The following IL1RAPL1 variants were observed in gnomAD, a reference collection of about 807,000 sequenced individuals.
The protein encoded by IL1RAPL1 is interleukin-1 receptor accessory protein-like 1.
A neutral mutation model predicts 48.4 loss-of-function variants in IL1RAPL1; 3 were observed. The ratio of observed to expected loss-of-function variants is 0.06; its 90% CI spans 0.03 to 0.16. The LOEUF is 0.16. IL1RAPL1 is among the 10% of genes least tolerant of loss of function. The pLI is 1.00. For synonymous variants in IL1RAPL1, 185 were observed against 187.7 expected, an observed-to-expected ratio of 0.99 and a Z score of 0.12; for missense variants, 349 against 530.6, an observed-to-expected ratio of 0.66 and a Z score of 3.36.
At chrX:29,478,379 C>T in intron 5 of IL1RAPL1, among the ~76,000 whole-genome samples, 1 of 111,733 alleles carries the variant, frequency 8.9e-6, no homozygotes, top group Non-Finnish European at 1.9e-5. Flanking sequence ...AAAATTCTGC[C>T]GTGTAGTTCA....
intron 3 of IL1RAPL1, among the ~76,000 whole-genome samples, chrX:29,297,069 G>T (rs1489373856): frequency 9.0e-6 from 1 of 111,612 alleles, no homozygotes; most frequent in Non-Finnish European, 1.9e-5. Context: ...TTTTTCTCAT[G>T]AAGGTCCCAA....
At chrX:29,880,010 T>C (rs1206323508) in intron 6 of IL1RAPL1, among the ~76,000 whole-genome samples, 1 of 111,631 alleles carries the variant, frequency 9.0e-6, no homozygotes, top group African/African-American at 3.2e-5. Flanking sequence ...CTTTATTCCA[T>C]TCAGTTGCAA....
intron 2 of IL1RAPL1, among the ~76,000 whole-genome samples, chrX:29,217,477 G>T (rs757402141): frequency 1.8e-5 from 2 of 111,790 alleles, no homozygotes; most frequent in Admixed American, 9.6e-5. Context: ...TATTTATTTA[G>T]TCATTGTTTA....
intron 8 of IL1RAPL1, among the ~76,000 whole-genome samples, chrX:29,926,416 TTAAA>T (rs1392560122): frequency 8.9e-6 from 1 of 112,224 alleles, no homozygotes; most frequent in Non-Finnish European, 1.9e-5. Flanking sequence ...GCCAAAGCTC[TTAAA>T]TATTTAATTA....
intron 2 of IL1RAPL1, among the ~76,000 whole-genome samples, chrX:29,018,850 A>G (rs1926299640): frequency 8.9e-6 from 1 of 112,049 alleles, no homozygotes; most frequent in Admixed American, 9.5e-5. Context: ...AGTGCTTGCC[A>G]GGTTCTGGGA....
intron 2 of IL1RAPL1, among the ~76,000 whole-genome samples, chrX:28,995,896 G>T (rs1925713153): frequency 9.2e-6 from 1 of 108,518 alleles, no homozygotes; most frequent in African/African-American, 3.4e-5. Flanking sequence ...CAACTTCTAT[G>T]AACCAGAAAA....
At chrX:29,697,985 G>A (rs1253285777) in intron 6 of IL1RAPL1, among the ~76,000 whole-genome samples, 1 of 110,579 alleles carries the variant, frequency 9.0e-6, no homozygotes, top group Non-Finnish European at 1.9e-5. Context: ...ATTGTACTTG[G>A]AATAAAATTT....
chrX:29,497,507 T>C (rs997890574), intron 5 of IL1RAPL1, among the ~76,000 whole-genome samples: 1 of 111,690 alleles, frequency 9.0e-6, no homozygotes, highest in Non-Finnish European at 1.9e-5. Context: ...TTTCACTTTT[T>C]TGTTAAGAAT....
chrX:28,662,512 A>G (rs1934834276), intron 1 of IL1RAPL1, among the ~76,000 whole-genome samples: 1 of 111,465 alleles, frequency 9.0e-6, no homozygotes, highest in South Asian at 3.8e-4. Context: ...TTAGAATTGG[A>G]TAGGGTGTGA....
chrX:29,258,402 C>T (rs1198773575), intron 2 of IL1RAPL1, among the ~76,000 whole-genome samples: 1 of 111,256 alleles, frequency 9.0e-6, no homozygotes, highest in Non-Finnish European at 1.9e-5. Context: ...ATGTTACCTT[C>T]GGGTTCCTCT....
At chrX:29,753,191 A>G (rs1449641500) in intron 6 of IL1RAPL1, among the ~76,000 whole-genome samples, 1 of 112,180 alleles carries the variant, frequency 8.9e-6, no homozygotes, top group Non-Finnish European at 1.9e-5. Flanking sequence ...TCAGTCAAAA[A>G]TACATAAAAT....
At chrX:29,416,254 A>C (rs1450728789) in intron 5 of IL1RAPL1, among the ~76,000 whole-genome samples, 1 of 111,559 alleles carries the variant, frequency 9.0e-6, no homozygotes, top group Non-Finnish European at 1.9e-5. Context: ...TGGATTTTAA[A>C]AAACTCTGGG....
chrX:29,541,087 AAAAAC>A (rs1455361926), intron 5 of IL1RAPL1, among the ~76,000 whole-genome samples: 1 of 112,249 alleles, frequency 8.9e-6, no homozygotes, highest in Non-Finnish European at 1.9e-5. Context: ...TGGACAAACT[AAAAAC>A]AAATAACCCC....
At chrX:28,645,677 A>G (rs2146901102) in intron 1 of IL1RAPL1, among the ~76,000 whole-genome samples, 1 of 112,034 alleles carries the variant, frequency 8.9e-6, no homozygotes, top group South Asian at 3.7e-4. Flanking sequence ...GAGTAACAGG[A>G]AAATTTCAGA....
At chrX:29,651,161 T>C (rs1258620955) in intron 5 of IL1RAPL1, among the ~76,000 whole-genome samples, 3 of 110,497 alleles carry the variant, frequency 2.7e-5, no homozygotes, top group Non-Finnish European at 5.7e-5. Flanking sequence ...GAAACCCTTG[T>C]GCACTATTGG....
rs904859077 is a variant in IL1RAPL1 at position 29,954,762 on chromosome X, G to A, written c.1372+70G>A. On this transcript the variant is annotated intron_variant, in intron 10 of 10. Coordinates refer to ENST00000378993, the MANE Select transcript of IL1RAPL1 (RefSeq NM_014271.4). ...GTCTGTGTAGTCATCACTTTTTCAT[G>A]GAATTTTAATGTTTGGTTCTTTACT... 54 of 918,196 alleles carry A rather than the reference G, an allele frequency of 5.9e-5. No individual in the cohort carries two copies. The African/African-American group carries it at 7.8e-4, about 13-fold the overall frequency. 75.7% of individuals were successfully genotyped at this position (918,196 alleles called of 1,213,427 possible). A position where few individuals can be genotyped will look rare whatever the true frequency, so the allele number is the denominator to read the frequency against.
At chrX:29,043,468 TC>T (rs1275165865) in intron 2 of IL1RAPL1, among the ~76,000 whole-genome samples, 2 of 110,733 alleles carry the variant, frequency 1.8e-5, no homozygotes, top group Non-Finnish European at 3.8e-5. Context: ...TTTTTCCGAG[TC>T]CACCAGTTCT....
At chrX:29,720,142 T>A (rs1927598384) in intron 6 of IL1RAPL1, among the ~76,000 whole-genome samples, 1 of 111,917 alleles carries the variant, frequency 8.9e-6, no homozygotes, top group South Asian at 3.7e-4. Context: ...GGAATGCTTT[T>A]ACACTGTTGG....
chrX:29,251,131 G>A (rs1452307727), intron 2 of IL1RAPL1, among the ~76,000 whole-genome samples: 1 of 114,027 alleles, frequency 8.8e-6, no homozygotes, highest in Non-Finnish European at 1.9e-5. Context: ...GATGTTAATT[G>A]GTATCTCAAA....
Sources: allele counts gnomAD v4.1 joint callset (sites outside exome capture counted in the v4.1 genomes callset), GRCh38; gene constraint gnomAD v4.1.1; transcripts MANE v1.5; gene names NCBI Gene and HGNC (gene_info 2026-07-23, HGNC 2026-07-21).